VWA8: variants seen among roughly 807,000 people sequenced by gnomAD.
VWA8 encodes von Willebrand factor A domain-containing protein 8.
In VWA8, 221 loss-of-function variants were observed where a neutral mutation model predicts 241.5. That is an observed-to-expected ratio of 0.91 (90% CI 0.82 to 1.02). The LOEUF (loss-of-function observed/expected upper bound fraction) is 1.02, where lower values mean the gene tolerates loss of function less well. Ranked by LOEUF, VWA8 falls within the 50% of genes least tolerant of loss-of-function variation. The pLI, the probability that VWA8 is intolerant of heterozygous loss-of-function variation, is 0.00. For synonymous variants in VWA8, 852 were observed against 827.1 expected, an observed-to-expected ratio of 1.03 and a Z score of -0.52; for missense variants, 2,322 against 2,328.7, an observed-to-expected ratio of 1.00 and a Z score of 0.06.
chr13:41,590,895 T>C (rs2044450284), intron 40 of VWA8, 130 bp from the exon 41 acceptor site: 1 of 1,172,046 alleles, frequency 8.5e-7, no homozygotes, highest in East Asian at 2.4e-5. Context: ...ATGAACACAG[T>C]CATATAAATG....
intron 3 of VWA8, 73 bp downstream of exon 3, chr13:41,911,965 A>G: frequency 7.5e-7 from 1 of 1,341,786 alleles, no homozygotes; most frequent in South Asian, 2.5e-5. Context: ...TTTTTTATAA[A>G]TTCTTAATCT....
chr13:41,927,072 C>T, intron 2 of VWA8: 5 of 378,968 alleles, frequency 1.3e-5, no homozygotes, highest in South Asian at 1.1e-4. Context: ...ATAAGCGATG[C>T]CTAAACTAAG....
rs549724281 is a variant in VWA8, at chr13:41,934,169, C to A, written c.241+15767G>T. Among the ~76,000 whole-genome samples, 6 of 147,882 alleles carry A rather than the reference C, an allele frequency of 4.1e-5. No individual in the cohort carries two copies. In the East Asian group the frequency reaches 1.2e-3, roughly 29 times the overall value. On this transcript the variant is annotated intron_variant, in intron 2 of 44. Coordinates refer to ENST00000379310, the MANE Select transcript of VWA8 (RefSeq NM_015058.2). Reference sequence around the variant, plus strand: ...CCCAAAATGTAGGCAAAGATTTGACCAGACACTTTACAAAAGATATAAAGA... The same window carrying A: ...CCCAAAATGTAGGCAAAGATTTGACAAGACACTTTACAAAAGATATAAAGA...
intron 12 of VWA8, among the ~76,000 whole-genome samples, chr13:41,841,828 T>A (rs1335065740): frequency 4.4e-4 from 11 of 25,098 alleles, no homozygotes; most frequent in East Asian, 1.4e-3. Flanking sequence ...AAAATATATA[T>A]ATATATATAT....
At chr13:41,929,951 TATCA>T (rs1877026600) in intron 2 of VWA8, among the ~76,000 whole-genome samples, 1 of 151,930 alleles carries the variant, frequency 6.6e-6, no homozygotes, top group African/African-American at 2.4e-5. Flanking sequence ...AAAGGTAACT[TATCA>T]ATTAGGAAAA....
chr13:41,825,943 T>C (rs9532931), intron 14 of VWA8, among the ~76,000 whole-genome samples: 12,814 of 152,254 alleles, frequency 0.084, 556 homozygotes, highest in East Asian at 0.11. Flanking sequence ...CCTCATTCAG[T>C]ACAAATTTGC....
intron 14 of VWA8, among the ~76,000 whole-genome samples, chr13:41,829,918 A>G (rs1156548713): frequency 6.6e-6 from 1 of 152,106 alleles, no homozygotes; most frequent in Non-Finnish European, 1.5e-5. Context: ...TCTGTGCCCC[A>G]AAAACTATTG....
chr13:41,671,505 CTATAAAGAATTTGCTATGGACTAAATGCT>C (rs2137799337), intron 36 of VWA8, among the ~76,000 whole-genome samples: 1 of 152,274 alleles, frequency 6.6e-6, no homozygotes, highest in African/African-American at 2.4e-5. Context: ...TCTAAACTTG[CTATAAAGAATTTGCTATGGACTAAATGCT>C]TGTATCCGCA....
intron 29 of VWA8, among the ~76,000 whole-genome samples, chr13:41,695,658 A>T (rs1021368485): frequency 2.6e-5 from 4 of 152,160 alleles, no homozygotes; most frequent in African/African-American, 9.7e-5. Flanking sequence ...GTAGAGAGGA[A>T]GTATACAGAT....
chr13:41,774,264 G>A (rs569183815), intron 20 of VWA8, among the ~76,000 whole-genome samples: 9 of 152,194 alleles, frequency 5.9e-5, no homozygotes, highest in East Asian at 5.8e-4. Flanking sequence ...CTCAGCCTCC[G>A]AAGTAGATGG....
At chr13:41,871,886 C>T (rs1202359513) in intron 9 of VWA8, among the ~76,000 whole-genome samples, 1 of 152,220 alleles carries the variant, frequency 6.6e-6, no homozygotes, top group Non-Finnish European at 1.5e-5. Flanking sequence ...GCCACACTGA[C>T]TTCCACAATG....
intron 26 of VWA8, among the ~76,000 whole-genome samples, chr13:41,703,942 C>A (rs1279839435): frequency 6.6e-6 from 1 of 151,958 alleles, no homozygotes; most frequent in Non-Finnish European, 1.5e-5. Context: ...CCACACCCGG[C>A]TAATTTTGTA....
intron 40 of VWA8, among the ~76,000 whole-genome samples, chr13:41,602,500 C>T (rs2044528189): frequency 6.6e-6 from 1 of 152,078 alleles, no homozygotes; most frequent in African/African-American, 2.4e-5. Flanking sequence ...AGAATTGACA[C>T]AATGTATGTT....
intron 17 of VWA8, among the ~76,000 whole-genome samples, chr13:41,799,397 C>A (rs1869847351): frequency 6.6e-6 from 1 of 152,142 alleles, no homozygotes; most frequent in South Asian, 2.1e-4. Context: ...TCAACATGGA[C>A]CCTCACACCT....
chr13:41,750,886 T>TAAAAA (rs72030945), intron 21 of VWA8, among the ~76,000 whole-genome samples: 2 of 143,838 alleles, frequency 1.4e-5, no homozygotes, highest in Non-Finnish European at 1.5e-5. Context: ...ACATATTTGA[T>TAAAAA]AAAAAAAAAA....
chr13:41,639,643 T>C (rs1032172561), intron 37 of VWA8, among the ~76,000 whole-genome samples: 2 of 152,190 alleles, frequency 1.3e-5, no homozygotes, highest in Non-Finnish European at 2.9e-5. Flanking sequence ...TTTATACAAA[T>C]TGGCTTTATA....
At chr13:41,709,561 A>C (rs968513876) in intron 26 of VWA8, among the ~76,000 whole-genome samples, 1 of 152,166 alleles carries the variant, frequency 6.6e-6, no homozygotes, top group Non-Finnish European at 1.5e-5. Flanking sequence ...TTAGTTGCCA[A>C]AGGGCCTCTA....
At chr13:41,838,230 C>A (rs1367618518) in intron 12 of VWA8, among the ~76,000 whole-genome samples, 1 of 151,976 alleles carries the variant, frequency 6.6e-6, no homozygotes, top group African/African-American at 2.4e-5. Context: ...CTTGAGAAAT[C>A]CAGATACAGT....
chr13:41,840,330 G>A (rs1871937848), intron 12 of VWA8, among the ~76,000 whole-genome samples: 1 of 152,074 alleles, frequency 6.6e-6, no homozygotes, highest in South Asian at 2.1e-4. Context: ...CGGGGCTAGA[G>A]GAGGGATAGC....
Sources: gnomAD v4.1 joint callset for allele counts (sites outside exome capture counted in the v4.1 genomes callset) on GRCh38, gnomAD v4.1.1 for gene constraint, MANE v1.5 for transcripts, NCBI Gene and HGNC (gene_info 2026-07-23, HGNC 2026-07-21) for gene names.